Variants in EYS observed in about 807,000 individuals in gnomAD.
EYS encodes the protein EGF-like photoreceptor maintenance factor.
A neutral mutation model predicts 282.1 loss-of-function variants in EYS; 250 were observed. The ratio of observed to expected loss-of-function variants is 0.89; its 90% CI spans 0.80 to 0.98. The LOEUF (loss-of-function observed/expected upper bound fraction) is 0.98, where lower values mean the gene tolerates loss of function less well. Ranked by LOEUF, EYS falls within the 50% of genes least tolerant of loss-of-function variation. The pLI, the probability that EYS is intolerant of heterozygous loss-of-function variation, is 0.00. For synonymous variants in EYS, 1,355 were observed against 1,282.9 expected, an observed-to-expected ratio of 1.06 and a Z score of -1.20; for missense variants, 4,016 against 3,709.0, an observed-to-expected ratio of 1.08 and a Z score of -2.15.
At chr6:65,063,353 T>G (rs1444706093) in intron 12 of EYS, among the ~76,000 whole-genome samples, 1 of 152,030 alleles carries the variant, frequency 6.6e-6, no homozygotes, top group East Asian at 1.9e-4. Flanking sequence ...CTACATTTAT[T>G]CTAAACAAAA....
chr6:63,744,271 T>C (rs565991139), intron 41 of EYS: 5 of 152,334 alleles, frequency 3.3e-5, no homozygotes, highest in African/African-American at 1.2e-4. Flanking sequence ...TTACACCAAA[T>C]GCATTTTAAA....
chr6:64,155,402 C>T (rs1367949522), intron 31 of EYS, among the ~76,000 whole-genome samples: 2 of 150,592 alleles, frequency 1.3e-5, no homozygotes, highest in African/African-American at 4.9e-5. Context: ...GTGAACAGTC[C>T]TCTGCAGCCA....
At chr6:64,460,318 AAGAT>A (rs1390185818) in intron 26 of EYS, among the ~76,000 whole-genome samples, 1 of 152,234 alleles carries the variant, frequency 6.6e-6, no homozygotes, top group Non-Finnish European at 1.5e-5. Context: ...AGGACTTAAC[AAGAT>A]CTAAAAGTTG....
chr6:63,818,615 T>C (rs1036278545), intron 36 of EYS, among the ~76,000 whole-genome samples: 1 of 152,210 alleles, frequency 6.6e-6, no homozygotes, highest in African/African-American at 2.4e-5. Flanking sequence ...AATGCTGTCT[T>C]AAACCCAGTC....
intron 26 of EYS, among the ~76,000 whole-genome samples, chr6:64,520,681 G>A (rs368756374): frequency 2.0e-5 from 3 of 151,724 alleles, no homozygotes; most frequent in South Asian, 4.1e-4. Flanking sequence ...TGAGTCAGGA[G>A]AAAAGATTTA....
intron 29 of EYS, among the ~76,000 whole-genome samples, chr6:64,363,451 A>T (rs1010153753): frequency 6.6e-6 from 1 of 151,828 alleles, no homozygotes; most frequent in Non-Finnish European, 1.5e-5. Context: ...TCATGTCTTG[A>T]TCACGTTTTT....
chr6:64,633,788 T>C (rs530632541), intron 22 of EYS, among the ~76,000 whole-genome samples: 48 of 152,258 alleles, frequency 3.2e-4, no homozygotes, highest in Non-Finnish European at 4.9e-4. Context: ...GGAAAAGAAC[T>C]GGAGCCTTGA....
At chr6:65,411,708 T>A (rs1468444128) in intron 5 of EYS, among the ~76,000 whole-genome samples, 1 of 152,106 alleles carries the variant, frequency 6.6e-6, no homozygotes, top group African/African-American at 2.4e-5. Context: ...TTGATAATGT[T>A]CTTTAAATGA....
At chr6:64,923,299 A>G (rs910656648) in intron 15 of EYS, among the ~76,000 whole-genome samples, 1 of 152,148 alleles carries the variant, frequency 6.6e-6, no homozygotes, top group African/African-American at 2.4e-5. Flanking sequence ...AACCCATCAG[A>G]TCCCATGAGA....
intron 12 of EYS, among the ~76,000 whole-genome samples, chr6:65,185,292 C>T (rs1381382223): frequency 2.0e-5 from 3 of 151,702 alleles, no homozygotes; most frequent in Non-Finnish European, 4.4e-5. Context: ...TTTTTCAATA[C>T]AAGTGTTGAC....
chr6:64,153,240 GA>G (rs201911136), intron 31 of EYS, among the ~76,000 whole-genome samples: 2,858 of 152,068 alleles, frequency 0.019, 76 homozygotes, highest in African/African-American at 0.065. Context: ...ACATAAACAG[GA>G]AAAAAATGAG....
chr6:65,502,157 C>T (rs995085418), intron 2 of EYS, among the ~76,000 whole-genome samples: 3 of 151,512 alleles, frequency 2.0e-5, no homozygotes, highest in Admixed American at 6.6e-5. Context: ...AGGCTATATG[C>T]GACTTATAGA....
intron 2 of EYS, among the ~76,000 whole-genome samples, chr6:65,530,909 A>AT (rs1226284420): frequency 3.3e-5 from 5 of 152,138 alleles, no homozygotes; most frequent in African/African-American, 9.7e-5. Flanking sequence ...CAATAAACAT[A>AT]TTTTTCTAGA....
rs144455757 is a variant in EYS, at chr6:65,213,126, G to A, written c.2023+82737C>T. On this transcript the variant is annotated intron_variant, in intron 12 of 42. Coordinates refer to ENST00000503581, the MANE Select transcript of EYS (RefSeq NM_001142800.2). ...TTTTAAACAAAATTAGCATATATTT[G>A]CATGTGATGCTGATAAACTGAACAA... 1.5e-3 allele frequency among the ~76,000 whole-genome samples: 223 copies of A among 151,940 alleles called. 1 individual carries two copies. Among genetic ancestry groups the A allele is most frequent in the African/African-American group, 4.8e-3 (198 of 41,454 alleles).
intron 33 of EYS, among the ~76,000 whole-genome samples, chr6:64,026,712 T>G (rs760130760): frequency 6.6e-6 from 1 of 152,094 alleles, no homozygotes; most frequent in Non-Finnish European, 1.5e-5. Flanking sequence ...TAGCTCCCCT[T>G]CCTATTAATG....
intron 29 of EYS, among the ~76,000 whole-genome samples, chr6:64,385,998 T>C (rs1040561918): frequency 6.6e-6 from 1 of 152,182 alleles, no homozygotes; most frequent in African/African-American, 2.4e-5. Context: ...CCTTCTTTTA[T>C]TTTAATCCTC....
chr6:64,322,894 C>A lies in EYS; in HGVS notation c.6079-15812G>T, dbSNP rs1198112541. On this transcript the variant is annotated intron_variant, in intron 29 of 42. Coordinates refer to ENST00000503581, the MANE Select transcript of EYS (RefSeq NM_001142800.2). ...GAGCACAATTTTGTCTGTTTCTCTC[C>A]AGTTTACTCTCTCAGCAAGAACAGA... 3.9e-5 allele frequency among the ~76,000 whole-genome samples: 6 copies of A among 152,052 alleles called. No individual in the cohort carries two copies. In the East Asian group the frequency reaches 1.2e-3, roughly 29 times the overall value.
chr6:65,694,725 T>C lies in EYS; in HGVS notation c.-448+12410A>G, dbSNP rs150421954. On this transcript the variant is annotated intron_variant, in intron 1 of 42. Transcript: ENST00000503581. ...TGTTAACTAGCAACGAGGTAAACCA[T>C]TGGCTTGTTGTAGATTTAAAAAAAA... Among the ~76,000 whole-genome samples, 142 of 142,792 alleles carry C rather than the reference T, an allele frequency of 9.9e-4. 1 individual carries two copies. Among genetic ancestry groups the C allele is most frequent in the Middle Eastern group, 3.5e-3 (1 of 282 alleles). The allele number at this position is 142,792 out of a possible 152,430, so 93.7% of individuals were successfully genotyped here.
At chr6:64,563,406 A>C (rs1306887145) in intron 26 of EYS, among the ~76,000 whole-genome samples, 4 of 152,104 alleles carry the variant, frequency 2.6e-5, no homozygotes, top group Non-Finnish European at 5.9e-5. Flanking sequence ...CACGAGTATA[A>C]TCATTAATAA....
Sources: allele counts gnomAD v4.1 joint callset (sites outside exome capture counted in the v4.1 genomes callset), GRCh38; gene constraint gnomAD v4.1.1; transcripts MANE v1.5; gene names NCBI Gene and HGNC (gene_info 2026-07-23, HGNC 2026-07-21).